DCP1A: variants seen among roughly 807,000 people sequenced by gnomAD.
DCP1A encodes the protein decapping mRNA 1A.
Under a neutral mutation model 58.0 loss-of-function variants are expected in DCP1A, and 20 were observed. The observed-to-expected ratio is 0.34, with a 90% CI of 0.24 to 0.50. The LOEUF (loss-of-function observed/expected upper bound fraction) is 0.50, where lower values mean the gene tolerates loss of function less well. DCP1A is among the 20% of genes least tolerant of loss of function. The pLI, the probability that DCP1A is intolerant of heterozygous loss-of-function variation, is 0.98. For missense variants in DCP1A, 613 were observed against 712.2 expected, an observed-to-expected ratio of 0.86 and a Z score of 1.59; for synonymous variants, 285 against 275.1, an observed-to-expected ratio of 1.04 and a Z score of -0.36.
intron 3 of DCP1A, among the ~76,000 whole-genome samples, chr3:53,335,115 G>A (rs1254728991): frequency 1.3e-5 from 2 of 149,984 alleles, no homozygotes; most frequent in Non-Finnish European, 3.0e-5. Flanking sequence ...GCACGCGCAT[G>A]TGTATATATA....
intron 5 of DCP1A, among the ~76,000 whole-genome samples, chr3:53,308,871 A>T (rs1314735450): frequency 3.3e-5 from 5 of 152,192 alleles, no homozygotes; most frequent in African/African-American, 1.2e-4. Flanking sequence ...AAGGTGCTGG[A>T]ATTATGGGCA....
chr3:53,316,888 T>C (rs781931053), intron 4 of DCP1A, among the ~76,000 whole-genome samples: 1 of 152,200 alleles, frequency 6.6e-6, no homozygotes, highest in Non-Finnish European at 1.5e-5. Flanking sequence ...CCTAATCCTA[T>C]TTCTGGGTTC....
intron 5 of DCP1A, among the ~76,000 whole-genome samples, chr3:53,309,939 A>G (rs963342243): frequency 1.3e-5 from 2 of 152,186 alleles, no homozygotes; most frequent in African/African-American, 4.8e-5. Context: ...CTAAAGATAA[A>G]CAAAGGGGCC....
chr3:53,304,750 T>TC (rs1229730354), intron 5 of DCP1A, among the ~76,000 whole-genome samples: 1 of 151,616 alleles, frequency 6.6e-6, no homozygotes. Flanking sequence ...TTTTTCTTTT[T>TC]TTTTTTGTAT....
chr3:53,316,502 GATC>G (rs1482744905), intron 4 of DCP1A, among the ~76,000 whole-genome samples: 9 of 151,216 alleles, frequency 6.0e-5, no homozygotes, highest in Non-Finnish European at 1.0e-4. Context: ...GGGCCCAAGT[GATC>G]TGCCCACCTG....
In DCP1A at chr3:53,292,576, C is replaced by T; in HGVS notation, c.876G>A (p.Val292=). The change falls in exon 7 of 10, where the codon GTG becomes GTA. Residue 292 remains valine, a synonymous_variant. Coordinates refer to ENST00000610213, the MANE Select transcript of DCP1A (RefSeq NM_018403.7). ...GTGTGATGGAGGCTGGAGTGATTAG[C>T]ACCGGGGTGGTGATTTCAGGCTGGA... is the stretch of plus-strand genomic sequence containing the variant. The part of the protein sequence containing the change: ...HSVQPEITTP[V]LITPASITQS... 1.2e-6 allele frequency: 2 copies of T among 1,613,888 alleles called. No homozygotes were observed.
At chr3:53,321,537 T>C (rs908245560) in intron 3 of DCP1A, among the ~76,000 whole-genome samples, 2 of 151,996 alleles carry the variant, frequency 1.3e-5, no homozygotes, top group Non-Finnish European at 2.9e-5. Flanking sequence ...CTGGCCAACA[T>C]GGTGAAACCC....
chr3:53,322,480 T>C (rs1553690106), intron 3 of DCP1A, among the ~76,000 whole-genome samples: 1 of 151,500 alleles, frequency 6.6e-6, no homozygotes, highest in Non-Finnish European at 1.5e-5. Flanking sequence ...TATATATATA[T>C]ATGTATGTTC....
At chr3:53,290,047 G>T (rs1394431376) in intron 8 of DCP1A, among the ~76,000 whole-genome samples, 5 of 152,158 alleles carry the variant, frequency 3.3e-5, no homozygotes, top group African/African-American at 1.2e-4. Context: ...TAAACTCCAA[G>T]ATGTAAGACC....
At chr3:53,305,728 G>A (rs1707450615) in intron 5 of DCP1A, among the ~76,000 whole-genome samples, 1 of 152,006 alleles carries the variant, frequency 6.6e-6, no homozygotes, top group Non-Finnish European at 1.5e-5. Flanking sequence ...TCTTCTAAAA[G>A]TTTTATAGTT....
intron 6 of DCP1A, among the ~76,000 whole-genome samples, chr3:53,303,554 C>T (rs1707375858): frequency 6.6e-6 from 1 of 152,210 alleles, no homozygotes; most frequent in South Asian, 2.1e-4. Context: ...GTGTGAGCCA[C>T]TGTGCCTAGC....
intron 3 of DCP1A, among the ~76,000 whole-genome samples, chr3:53,330,814 CAT>C (rs1177162920): frequency 5.5e-5 from 6 of 108,920 alleles, no homozygotes; most frequent in South Asian, 3.1e-4. Context: ...AATATATACA[CAT>C]ATATATATAT....
Position 53,284,563 on chromosome 3 carries a change from G to T in DCP1A, c.*3017C>A, listed in dbSNP as rs898493805. 8.3e-6 allele frequency: 1 copy of T among 119,934 alleles called. No homozygotes were observed. The allele number at this position is 119,934 out of a possible 1,614,324, so 7.4% of individuals were successfully genotyped here. ...TTTTTTTTTTTTTTTTTTTGAGGTG[G>T]AGTCTCACTGTCGCCCAGGCTAGAG... On this transcript the variant is annotated 3_prime_UTR_variant, in exon 10 of 10. Coordinates refer to ENST00000610213, the MANE Select transcript of DCP1A (RefSeq NM_018403.7).
chr3:53,296,204 G>C (rs1203251484), intron 6 of DCP1A, among the ~76,000 whole-genome samples: 1 of 152,160 alleles, frequency 6.6e-6, no homozygotes, highest in Non-Finnish European at 1.5e-5. Flanking sequence ...CCACCATGTG[G>C]TCTTAATAGC....
chr3:53,345,081 TAA>T (rs2106904875), intron 1 of DCP1A, 139 bp from the exon 2 acceptor site: 1 of 656,912 alleles, frequency 1.5e-6, no homozygotes, highest in Non-Finnish European at 2.6e-6. Context: ...TTTGAACAGG[TAA>T]AGTCTCCCTC....
At chr3:53,328,280 T>C (rs1553690877) in intron 3 of DCP1A, among the ~76,000 whole-genome samples, 1 of 152,188 alleles carries the variant, frequency 6.6e-6, no homozygotes, top group African/African-American at 2.4e-5. Flanking sequence ...TCGCTTAGAC[T>C]AGCGGTTACT....
chr3:53,292,720 C>T lies in DCP1A; in HGVS notation c.732G>A (p.Arg244=), dbSNP rs1245969816. ...CTTTCTGGGAGGCATCTCCTGGCAACCTCTCCATTTCTTCTGAATCCAGAC... is the reference window on the plus strand; with the variant it reads ...CTTTCTGGGAGGCATCTCCTGGCAATCTCTCCATTTCTTCTGAATCCAGAC... The part of the protein sequence containing the change: ...VVGLDSEEME[R]LPGDASQKEP... The change falls in exon 7 of 10, where the codon AGG becomes AGA. Residue 244 remains arginine, a synonymous_variant. Coordinates refer to ENST00000610213, the MANE Select transcript of DCP1A (RefSeq NM_018403.7). The T allele has an allele frequency of 1.2e-6, 2 of 1,613,768 alleles. No individual in the cohort carries two copies. Among genetic ancestry groups the T allele is most frequent in the South Asian group, 1.1e-5 (1 of 91,082 alleles).
chr3:53,338,326 C>T (rs1221570628), intron 3 of DCP1A, among the ~76,000 whole-genome samples: 1 of 152,046 alleles, frequency 6.6e-6, no homozygotes, highest in African/African-American at 2.4e-5. Flanking sequence ...ACATGGTGGC[C>T]CATGCTAGCA....
chr3:53,288,605 T>C (rs1706735294), intron 8 of DCP1A, among the ~76,000 whole-genome samples: 1 of 152,092 alleles, frequency 6.6e-6, no homozygotes, highest in East Asian at 1.9e-4. Context: ...AAATTTAAAA[T>C]GTAAAGGCTT....
Sources: gnomAD v4.1 joint callset for allele counts (sites outside exome capture counted in the v4.1 genomes callset) on GRCh38, gnomAD v4.1.1 for gene constraint, MANE v1.5 for transcripts, NCBI Gene and HGNC (gene_info 2026-07-23, HGNC 2026-07-21) for gene names.